EYA2: variants seen among roughly 807,000 people sequenced by gnomAD.
The protein encoded by EYA2 is protein phosphatase EYA2.
EYA2 carries 31 observed loss-of-function variants against 69.2 expected under a neutral mutation model. The ratio of observed to expected loss-of-function variants is 0.45; its 90% CI spans 0.34 to 0.60. The LOEUF (loss-of-function observed/expected upper bound fraction) is 0.60, where lower values mean the gene tolerates loss of function less well. Among genes scored for constraint, EYA2 ranks in the 20% least tolerant of loss-of-function variants. EYA2 has a pLI of 0.02. For missense variants in EYA2, 622 were observed against 701.2 expected, an observed-to-expected ratio of 0.89 and a Z score of 1.28; for synonymous variants, 257 against 279.4, an observed-to-expected ratio of 0.92 and a Z score of 0.80.
chr20:47,018,125 T>C (rs1479379374), intron 5 of EYA2, among the ~76,000 whole-genome samples: 1 of 152,176 alleles, frequency 6.6e-6, no homozygotes, highest in African/African-American at 2.4e-5. Context: ...CTTCAACTTG[T>C]ATTTGAGTCC....
At chr20:46,988,552 A>G (rs1981445037) in intron 1 of EYA2, among the ~76,000 whole-genome samples, 1 of 152,212 alleles carries the variant, frequency 6.6e-6, no homozygotes, top group Admixed American at 6.5e-5. Context: ...TATGATAACG[A>G]CGTGCTCACA....
At chr20:46,897,389 T>G (rs1983864764) in intron 1 of EYA2, among the ~76,000 whole-genome samples, 1 of 152,222 alleles carries the variant, frequency 6.6e-6, no homozygotes, top group South Asian at 2.1e-4. Context: ...AAGACGTTGT[T>G]GGATCCTCCG....
intron 1 of EYA2, among the ~76,000 whole-genome samples, chr20:46,982,272 T>C (rs1448996356): frequency 6.6e-6 from 1 of 152,214 alleles, no homozygotes; most frequent in Non-Finnish European, 1.5e-5. Context: ...GCAGATGAAA[T>C]TCCATTGTTT....
At chr20:47,104,988 T>C (rs2146531035) in intron 9 of EYA2, among the ~76,000 whole-genome samples, 1 of 152,312 alleles carries the variant, frequency 6.6e-6, no homozygotes, top group African/African-American at 2.4e-5. Flanking sequence ...GCCATTGCAC[T>C]CCAGCCTGGG....
intron 8 of EYA2, among the ~76,000 whole-genome samples, chr20:47,096,403 G>A (rs570661909): frequency 3.9e-5 from 6 of 152,320 alleles, no homozygotes; most frequent in Admixed American, 6.5e-5. Flanking sequence ...ACAATATGAA[G>A]GTAAAGCTAC....
At chr20:46,930,047 G>A (rs557159043) in intron 1 of EYA2, among the ~76,000 whole-genome samples, 21 of 152,140 alleles carry the variant, frequency 1.4e-4, no homozygotes, top group Non-Finnish European at 2.9e-4. Context: ...AGAATAGGAG[G>A]AGCGTAAAAG....
intron 4 of EYA2, among the ~76,000 whole-genome samples, chr20:47,013,828 A>G (rs900852103): frequency 1.3e-5 from 2 of 152,196 alleles, no homozygotes; most frequent in Admixed American, 1.3e-4. Flanking sequence ...ACTGAGCAAA[A>G]AGAAGGTGCT....
intron 5 of EYA2, among the ~76,000 whole-genome samples, chr20:47,026,946 T>C (rs942409205): frequency 6.6e-6 from 1 of 152,250 alleles, no homozygotes; most frequent in Non-Finnish European, 1.5e-5. Flanking sequence ...TGAAACACCT[T>C]GTGAAGCATA....
rs1052997649 is a variant in EYA2, at chr20:47,116,322, C to T, written c.888+19154C>T. ...CCTCTCGAGTAGCTGGGATGACAGG[C>T]GCCTGCCAATACGCCTAGCTAATTT... On this transcript the variant is annotated intron_variant, in intron 9 of 15. Transcript: ENST00000327619. 5.3e-5 allele frequency among the ~76,000 whole-genome samples: 8 copies of T among 151,864 alleles called. No homozygotes were observed. The East Asian group carries it at 9.7e-4, about 18-fold the overall frequency.
chr20:46,994,826 G>C (rs1409366861), intron 2 of EYA2, among the ~76,000 whole-genome samples: 3 of 151,938 alleles, frequency 2.0e-5, no homozygotes, highest in Non-Finnish European at 4.4e-5. Flanking sequence ...GATGGCAGTA[G>C]CTCACAAATG....
chr20:47,031,231 G>A (rs1984394281), intron 5 of EYA2, among the ~76,000 whole-genome samples: 1 of 152,180 alleles, frequency 6.6e-6, no homozygotes, highest in Non-Finnish European at 1.5e-5. Flanking sequence ...GGAAGAGCCA[G>A]CCATGGGTCA....
intron 9 of EYA2, among the ~76,000 whole-genome samples, chr20:47,105,499 C>T (rs917240042): frequency 3.3e-5 from 5 of 151,984 alleles, no homozygotes; most frequent in Non-Finnish European, 7.4e-5. Context: ...ATGGCAGGCA[C>T]CTGTAATCCC....
chr20:46,906,588 A>G (rs1688931586), intron 1 of EYA2, among the ~76,000 whole-genome samples: 1 of 152,258 alleles, frequency 6.6e-6, no homozygotes, highest in African/African-American at 2.4e-5. Flanking sequence ...ATGCCGGGAT[A>G]TGTTCCGAAA....
At chr20:46,918,116 C>A (rs563935807) in intron 1 of EYA2, among the ~76,000 whole-genome samples, 3 of 152,144 alleles carry the variant, frequency 2.0e-5, no homozygotes, top group African/African-American at 4.8e-5. Flanking sequence ...GTCAGGAGAT[C>A]GAGACCATCC....
At chr20:46,960,589 T>C (rs1233240694) in intron 1 of EYA2, among the ~76,000 whole-genome samples, 1 of 152,140 alleles carries the variant, frequency 6.6e-6, no homozygotes, top group Non-Finnish European at 1.5e-5. Flanking sequence ...AACCCTCTGC[T>C]CTAGTGCAGG....
chr20:47,057,781 G>T (rs1164185262), intron 5 of EYA2, among the ~76,000 whole-genome samples: 5 of 151,774 alleles, frequency 3.3e-5, no homozygotes, highest in Non-Finnish European at 7.4e-5. Context: ...GTGACCATGA[G>T]TTCACTGTAG....
chr20:46,975,754 A>T (rs2146305483), intron 1 of EYA2, among the ~76,000 whole-genome samples: 1 of 152,270 alleles, frequency 6.6e-6, no homozygotes, highest in South Asian at 2.1e-4. Flanking sequence ...ATCTCTACTG[A>T]AAATACAAAA....
chr20:47,019,181 G>C (rs1184360574), intron 5 of EYA2, among the ~76,000 whole-genome samples: 1 of 152,064 alleles, frequency 6.6e-6, no homozygotes, highest in East Asian at 1.9e-4. Flanking sequence ...TGAGCCTAGG[G>C]CCCCACCCCC....
chr20:46,941,673 A>C (rs1404072472), intron 1 of EYA2, among the ~76,000 whole-genome samples: 1 of 152,178 alleles, frequency 6.6e-6, no homozygotes, highest in East Asian at 1.9e-4. Context: ...CCCTTATCTT[A>C]AAGGCTTGTC....
Sources: gnomAD v4.1 joint callset for allele counts (sites outside exome capture counted in the v4.1 genomes callset) on GRCh38, gnomAD v4.1.1 for gene constraint, MANE v1.5 for transcripts, NCBI Gene and HGNC (gene_info 2026-07-23, HGNC 2026-07-21) for gene names.